The following PCYOX1 variants were observed in gnomAD, a reference collection of about 807,000 sequenced individuals.
PCYOX1 encodes the protein prenylcysteine lyase.
Under a neutral mutation model 46.4 loss-of-function variants are expected in PCYOX1, and 46 were observed. The observed-to-expected ratio is 0.99, with a 90% confidence interval of 0.78 to 1.27. The LOEUF (loss-of-function observed/expected upper bound fraction) is 1.27, where lower values mean the gene tolerates loss of function less well. Among genes scored for constraint, PCYOX1 ranks in the 50% most tolerant of loss-of-function variants. PCYOX1 has a pLI of 0.00. For missense variants in PCYOX1, 658 were observed against 628.3 expected, an observed-to-expected ratio of 1.05 and a Z score of -0.51; for synonymous variants, 220 against 231.8, an observed-to-expected ratio of 0.95 and a Z score of 0.46.
intron 3 of PCYOX1, among the ~76,000 whole-genome samples, chr2:70,269,414 C>T (rs1696571357): frequency 6.6e-6 from 1 of 151,270 alleles, no homozygotes; most frequent in Non-Finnish European, 1.5e-5. Flanking sequence ...CGGCTCACTG[C>T]AACCTCTGCC....
rs111552597 is a variant in PCYOX1, at chr2:70,261,400, C to T, written c.494+14C>T. ...CAAGTTCATGAGGTAATTTTTTTTC[C>T]TTCCATTTAACCTAAGATCTTTTAA... On this transcript the variant is annotated intron_variant, in intron 3 of 5. Coordinates refer to ENST00000433351, the MANE Select transcript of PCYOX1 (RefSeq NM_016297.4). The T allele has an allele frequency of 1.1e-4, 165 of 1,561,898 alleles. No individual in the cohort carries two copies. The African/African-American group carries it at 2.0e-3, about 19-fold the overall frequency.
Position 70,277,190 on chromosome 2 carries a change from A to G in PCYOX1, c.1316A>G (p.Tyr439Cys), listed in dbSNP as rs765508746. The G allele has an allele frequency of 3.7e-6, 6 of 1,613,978 alleles. No homozygotes were observed. Among genetic ancestry groups the G allele is most frequent in the East Asian group, 4.5e-5 (2 of 44,896 alleles). Residue 439 changes from tyrosine (Y) to cysteine (C), a missense_variant, in exon 6 of 6, where the codon TAT becomes TGT. Transcript: ENST00000433351. ...AAGCCATGGCTTGCATATCCTCACT[A>G]TAAGCCCCCGGAGAAATGCCCCTCT... ...VKKPWLAYPH[Y>C]KPPEKCPSII... is the part of the protein sequence containing the mutation.
chr2:70,258,202 T>A lies in PCYOX1; in HGVS notation c.38T>A (p.Leu13Gln). The part of the protein sequence containing the change: ...RVVAELVSSL[L>Q]GLWLLLCSCG... ...GTCGCGGAGCTCGTCTCCTCGCTGC[T>A]GGGGTTGTGGCTGTTGCTGTGCAGC... is the stretch of plus-strand genomic sequence containing the variant. The change falls in exon 1 of 6, where the codon CTG (leucine) becomes CAG (glutamine). Residue 13 changes from leucine to glutamine, a missense_variant. By Grantham distance (113) the Leu-to-Gln change is moderately radical (BLOSUM62 -2). Transcript: ENST00000433351. 6.3e-7 allele frequency: 1 copy of A among 1,599,470 alleles called. No individual in the cohort carries two copies. The highest frequency in any genetic ancestry group is 8.5e-7 in the Non-Finnish European group (1 of 1,176,666).
chr2:70,268,239 A>C (rs1450801318), intron 3 of PCYOX1, among the ~76,000 whole-genome samples: 3 of 152,136 alleles, frequency 2.0e-5, no homozygotes, highest in African/African-American at 7.2e-5. Flanking sequence ...GTTAGCAGCC[A>C]AAGTAGTTCT....
rs1003409434 is a variant in PCYOX1, at chr2:70,259,469, C to T, written c.222C>T (p.Arg74=). The change falls in exon 2 of 6, where the codon CGC becomes CGT. Residue 74 remains arginine (R), a synonymous_variant. Coordinates refer to ENST00000433351, the MANE Select transcript of PCYOX1 (RefSeq NM_016297.4). ...TTGAAAGAGAAGAGGTCGGGGGCCG[C>T]CTGGCTACCATGATGGTGCAGGGGC... is the stretch of plus-strand genomic sequence containing the variant. ...DLFEREEVGG[R]LATMMVQGQE... The T allele has an allele frequency of 1.9e-6, 3 of 1,614,096 alleles. No individual in the cohort carries two copies. The highest frequency in any genetic ancestry group is 2.5e-6 in the Non-Finnish European group (3 of 1,179,998).
intron 3 of PCYOX1, among the ~76,000 whole-genome samples, chr2:70,270,104 C>T (rs765114428): frequency 3.9e-5 from 6 of 152,064 alleles, no homozygotes; most frequent in Non-Finnish European, 8.8e-5. Context: ...AAGCGATTCT[C>T]CTGCCTCAGC....
chr2:70,263,258 G>A (rs1202359259), intron 3 of PCYOX1, among the ~76,000 whole-genome samples: 1 of 151,758 alleles, frequency 6.6e-6, no homozygotes, highest in Non-Finnish European at 1.5e-5. Flanking sequence ...AGCTAAGCAG[G>A]ATATGCTCTG....
In PCYOX1 at chr2:70,258,255, C is replaced by A; in HGVS notation, c.91C>A (p.Arg31Ser). The change falls in exon 1 of 6, where the codon CGT (arginine) becomes AGT (serine). Residue 31 changes from arginine (R) to serine (S), a missense_variant. Transcript: ENST00000433351. ...SCGCPEGAEL[R>S]APPDKIAIIG... Reference sequence around the variant, plus strand: ...CGGATGCCCCGAGGGCGCCGAGCTGCGTGCTCCGCCAGATAAAATCGGTAG... The same window carrying A: ...CGGATGCCCCGAGGGCGCCGAGCTGAGTGCTCCGCCAGATAAAATCGGTAG... 6.3e-7 allele frequency: 1 copy of A among 1,590,162 alleles called. No homozygotes were observed. The highest frequency in any genetic ancestry group is 8.5e-7 in the Non-Finnish European group (1 of 1,174,054).
At position 70,278,595 on chromosome 2, in the gene PCYOX1, A is replaced by C. The variant is rs1204922421; in HGVS notation, c.*1203A>C. Reference sequence around the variant, plus strand: ...GACACCAAAGTTAACCAAGTCCAGCATATGTCCAAAGAGTTAAGTGTTTCA... The same window carrying C: ...GACACCAAAGTTAACCAAGTCCAGCCTATGTCCAAAGAGTTAAGTGTTTCA... On this transcript the variant is annotated 3_prime_UTR_variant, in exon 6 of 6. Coordinates refer to ENST00000433351, the MANE Select transcript of PCYOX1 (RefSeq NM_016297.4). 6.6e-6 allele frequency: 1 copy of C among 152,218 alleles called. No individual in the cohort carries two copies. Among genetic ancestry groups the C allele is most frequent in the Non-Finnish European group, 1.5e-5 (1 of 68,036 alleles). The allele number at this position is 152,218 out of a possible 1,614,324, so 9.4% of individuals were successfully genotyped here.
At chr2:70,258,065 G>T, upstream of PCYOX1, 6 of 965,224 alleles carry the variant, frequency 6.2e-6, no homozygotes, top group Non-Finnish European at 8.8e-6. Context: ...GGCTCGCAGG[G>T]GCTGGGCGGC....
chr2:70,276,119 A>T (rs1268991267), intron 5 of PCYOX1, among the ~76,000 whole-genome samples: 1 of 151,752 alleles, frequency 6.6e-6, no homozygotes, highest in Non-Finnish European at 1.5e-5. Context: ...AAAAAAAAAA[A>T]AAATTCCCCA....
intron 3 of PCYOX1, among the ~76,000 whole-genome samples, chr2:70,262,590 C>T (rs954764110): frequency 6.6e-6 from 1 of 151,716 alleles, no homozygotes; most frequent in Non-Finnish European, 1.5e-5. Context: ...AGCGATTCTC[C>T]TGCCTCAGAC....
At position 70,276,946 on chromosome 2, in the gene PCYOX1, A is replaced by G; in HGVS notation, c.1072A>G (p.Ser358Gly). ...GGGGGAATTGAATACATCTATCTTT[A>G]GCTCTAGACCCATAGATAAATTTGG... Reference protein sequence around the residue: ...VKGELNTSIFSSRPIDKFGLN... With the variant: ...VKGELNTSIFGSRPIDKFGLN... The change falls in exon 6 of 6, where the codon AGC becomes GGC. Residue 358 changes from serine (S) to glycine (G), a missense_variant. Coordinates refer to ENST00000433351, the MANE Select transcript of PCYOX1 (RefSeq NM_016297.4). 6.2e-7 allele frequency: 1 copy of G among 1,611,148 alleles called. No homozygotes were observed. The highest frequency in any genetic ancestry group is 1.1e-5 in the South Asian group (1 of 91,030).
rs771837637 is a variant in PCYOX1, at chr2:70,276,888, A to G, written c.1014A>G (p.Gln338=). The G allele has an allele frequency of 5.0e-6, 8 of 1,613,384 alleles. No individual in the cohort carries two copies. Among genetic ancestry groups the G allele is most frequent in the Admixed American group, 1.7e-5 (1 of 60,006 alleles). The part of the protein sequence containing the change: ...NFDPPIEEFH[Q]YYQHIVTTLV... ...ATCCTCCAATTGAGGAATTCCATCA[A>G]TATTATCAACATATAGTGACAACTT... is the stretch of plus-strand genomic sequence containing the variant. The change falls in exon 6 of 6, where the codon CAA becomes CAG. Residue 338 remains glutamine, a synonymous_variant. Transcript: ENST00000433351.
At position 70,277,567 on chromosome 2, in the gene PCYOX1, G is replaced by A. The variant is rs1573985168; in HGVS notation, c.*175G>A. On this transcript the variant is annotated 3_prime_UTR_variant, in exon 6 of 6. Coordinates refer to ENST00000433351, the MANE Select transcript of PCYOX1 (RefSeq NM_016297.4). ...GGTTCTAATTAAGTGTGAAGGTATA[G>A]CTATTGCACTTATGCCATCTCCAAA... 1.6e-5 allele frequency: 9 copies of A among 557,036 alleles called. No individual in the cohort carries two copies. In the East Asian group the frequency reaches 2.4e-4, roughly 15 times the overall value. 34.5% of individuals were successfully genotyped at this position (557,036 alleles called of 1,614,324 possible).
chr2:70,273,486 A>G (rs1039267384), intron 3 of PCYOX1, among the ~76,000 whole-genome samples: 2 of 152,212 alleles, frequency 1.3e-5, no homozygotes, highest in Admixed American at 6.5e-5. Context: ...GTTCTGTAAA[A>G]AAATATAGTA....
At position 70,276,958 on chromosome 2, in the gene PCYOX1, A is replaced by T. The variant is rs547773653; in HGVS notation, c.1084A>T (p.Ile362Leu). 112 of 1,613,278 alleles carry T rather than the reference A, an allele frequency of 6.9e-5. No individual in the cohort carries two copies. In the East Asian group the frequency reaches 2.4e-3, roughly 34 times the overall value. ...TACATCTATCTTTAGCTCTAGACCC[A>T]TAGATAAATTTGGCCTTAATACAGT... Reference protein sequence around the residue: ...LNTSIFSSRPIDKFGLNTVLT... With the variant: ...LNTSIFSSRPLDKFGLNTVLT... The change falls in exon 6 of 6, where the codon ATA becomes TTA. Residue 362 changes from isoleucine to leucine, a missense_variant. Coordinates refer to ENST00000433351, the MANE Select transcript of PCYOX1 (RefSeq NM_016297.4).
chr2:70,267,776 G>A (rs190595349), intron 3 of PCYOX1, among the ~76,000 whole-genome samples: 1 of 151,584 alleles, frequency 6.6e-6, no homozygotes, highest in Admixed American at 6.6e-5. Context: ...GAGGGAGACC[G>A]TGGAGAGGGA....
chr2:70,266,538 C>T (rs1696525821), intron 3 of PCYOX1, among the ~76,000 whole-genome samples: 1 of 151,324 alleles, frequency 6.6e-6, no homozygotes, highest in African/African-American at 2.4e-5. Flanking sequence ...GGTCATAGGA[C>T]AATAGTGGAG....
Sources: gnomAD v4.1 joint callset for allele counts (sites outside exome capture counted in the v4.1 genomes callset) on GRCh38, gnomAD v4.1.1 for gene constraint, MANE v1.5 for transcripts, NCBI Gene and HGNC (gene_info 2026-07-23, HGNC 2026-07-21) for gene names.